GYG1: variants seen among roughly 807,000 people sequenced by gnomAD.
GYG1 encodes glycogenin-1.
GYG1 carries 44 observed loss-of-function variants against 41.9 expected under a neutral mutation model. The ratio of observed to expected loss-of-function variants is 1.05; its 90% confidence interval spans 0.83 to 1.35. GYG1 has a LOEUF of 1.35. GYG1 is among the 40% of genes most tolerant of loss of function. The pLI, the probability that GYG1 is intolerant of heterozygous loss-of-function variation, is 0.00. For synonymous variants in GYG1, 141 were observed against 158.1 expected (o/e 0.89, Z 0.81); for missense variants, 429 against 418.9 (o/e 1.02, Z -0.21).
chr3:149,027,929 CCTAA>C lies in GYG1; in HGVS notation c.*999_*1002del, dbSNP rs575442474. On this transcript the variant is annotated 3_prime_UTR_variant, in exon 8 of 8. Coordinates refer to ENST00000345003, the MANE Select transcript of GYG1 (RefSeq NM_004130.4). ...AGAATATTTTAACCTTAAAGTCATT[CCTAA>C]CTGTCAGAATCAATACTGGGTCCAG... is the stretch of plus-strand genomic sequence containing the variant. Among the ~76,000 whole-genome samples, 182 of 152,274 alleles carry C rather than the reference CCTAA, an allele frequency of 1.2e-3. 1 individual carries two copies. The highest frequency in any genetic ancestry group is 4.1e-3 in the African/African-American group (170 of 41,556).
intron 4 of GYG1, among the ~76,000 whole-genome samples, chr3:149,005,274 T>A (rs1321548529): frequency 6.6e-6 from 1 of 152,112 alleles, no homozygotes; most frequent in Non-Finnish European, 1.5e-5. Context: ...TTGCCCCCAG[T>A]TGTATTACTA....
intron 4 of GYG1, among the ~76,000 whole-genome samples, chr3:149,003,303 A>T (rs2107895196): frequency 6.6e-6 from 1 of 151,990 alleles, no homozygotes; most frequent in African/African-American, 2.4e-5. Context: ...TTTAGTAGAA[A>T]TGGGGTTTCA....
rs1714084341 is a variant in GYG1 at position 149,016,953 on chromosome 3, G to C, written c.609-7100G>C. ...GGGCAAGAGGATGCTTGACATTGCT[G>C]CCATGATTCCCAGAGAAGTGTCGCA... is the stretch of plus-strand genomic sequence containing the variant. On this transcript the variant is annotated intron_variant, in intron 5 of 7. Coordinates refer to ENST00000345003, the MANE Select transcript of GYG1 (RefSeq NM_004130.4). Among the ~76,000 whole-genome samples, 3 of 152,162 alleles carry C rather than the reference G, an allele frequency of 2.0e-5. No homozygotes were observed. The South Asian group carries it at 6.2e-4, about 32-fold the overall frequency.
chr3:149,009,886 C>A (rs1416787920), intron 5 of GYG1, among the ~76,000 whole-genome samples: 1 of 152,178 alleles, frequency 6.6e-6, no homozygotes, highest in Non-Finnish European at 1.5e-5. Flanking sequence ...GGCTCTGGAG[C>A]TGGATGACCT....
intron 4 of GYG1, among the ~76,000 whole-genome samples, chr3:149,006,944 T>C (rs529198869): frequency 1.6e-4 from 25 of 152,232 alleles, no homozygotes; most frequent in Non-Finnish European, 3.4e-4. Flanking sequence ...GGTTCTCATA[T>C]CTGTCCTTTG....
Position 149,030,700 on chromosome 3 carries a change from A to C in GYG1, c.*3767A>C, listed in dbSNP as rs1366103833. The C allele has an allele frequency of 6.6e-6, 1 of 152,224 alleles. No individual in the cohort carries two copies. The highest frequency in any genetic ancestry group is 1.5e-5 in the Non-Finnish European group (1 of 68,036). The allele number at this position is 152,224 out of a possible 1,614,324, so 9.4% of individuals were successfully genotyped here. ...GCTAGCGGGCTAATCCCACATTATT[A>C]TTCCACTATCATCCCTGCAGAAAGG... On this transcript the variant is annotated 3_prime_UTR_variant, in exon 8 of 8. Coordinates refer to ENST00000345003, the MANE Select transcript of GYG1 (RefSeq NM_004130.4).
intron 5 of GYG1, among the ~76,000 whole-genome samples, chr3:149,014,225 T>C (rs563473700): frequency 2.0e-5 from 3 of 152,322 alleles, no homozygotes; most frequent in African/African-American, 7.2e-5. Context: ...CTGGTCATTC[T>C]GACCTCATCC....
chr3:149,001,144 G>C (rs1003256569), intron 4 of GYG1: 1 of 152,200 alleles, frequency 6.6e-6, no homozygotes, highest in Non-Finnish European at 1.5e-5. Flanking sequence ...AATGAGCTGA[G>C]AGATTTTGGT....
intron 6 of GYG1, among the ~76,000 whole-genome samples, chr3:149,025,660 A>G (rs1345772387): frequency 6.6e-6 from 1 of 152,216 alleles, no homozygotes; most frequent in Non-Finnish European, 1.5e-5. Flanking sequence ...AAGAAGTTAT[A>G]TAACTTGTCT....
chr3:148,996,132 C>G (rs1163513538), intron 2 of GYG1, among the ~76,000 whole-genome samples, 170 bp from the exon 3 acceptor site: 1 of 152,198 alleles, frequency 6.6e-6, no homozygotes, highest in Non-Finnish European at 1.5e-5. Context: ...CAAATAAACA[C>G]AGTTTGTCCT....
rs1285459397 is a variant in GYG1, at chr3:149,028,458, C to T, written c.*1525C>T. 1.3e-5 allele frequency among the ~76,000 whole-genome samples: 2 copies of T among 152,106 alleles called. No homozygotes were observed. The highest frequency in any genetic ancestry group is 4.8e-5 in the African/African-American group (2 of 41,432). Reference sequence around the variant, plus strand: ...ATTTACCAAAGATTTATTTAAGTGCCTCCATGTGTCAGATGCTGTGGTACA... The same window carrying T: ...ATTTACCAAAGATTTATTTAAGTGCTTCCATGTGTCAGATGCTGTGGTACA... On this transcript the variant is annotated 3_prime_UTR_variant, in exon 8 of 8. Coordinates refer to ENST00000345003, the MANE Select transcript of GYG1 (RefSeq NM_004130.4).
intron 5 of GYG1, among the ~76,000 whole-genome samples, chr3:149,019,111 T>C (rs1559842874): frequency 6.6e-6 from 1 of 150,804 alleles, no homozygotes. Flanking sequence ...CAATACCTAA[T>C]GCATCTAAAA....
At chr3:149,013,328 T>A (rs1218020991) in intron 5 of GYG1, among the ~76,000 whole-genome samples, 2 of 152,220 alleles carry the variant, frequency 1.3e-5, no homozygotes, top group African/African-American at 4.8e-5. Flanking sequence ...AAAAAAAATC[T>A]TATTAGTCTT....
At position 149,006,080 on chromosome 3, in the gene GYG1, C is replaced by CTTT. The variant is rs34268321; in HGVS notation, c.482-3178_482-3176dup. ...CATCACAAGGACCCTTCATCATATTCTTTTTTTTTTTTTTTTTTTTGAGAC... is the reference window on the plus strand; with the variant it reads ...CATCACAAGGACCCTTCATCATATTCTTTTTTTTTTTTTTTTTTTTTTTGAGAC... On this transcript the variant is annotated intron_variant, in intron 4 of 7. Coordinates refer to ENST00000345003, the MANE Select transcript of GYG1 (RefSeq NM_004130.4). 8.3e-4 allele frequency among the ~76,000 whole-genome samples: 97 copies of CTTT among 117,198 alleles called. 3 individuals are homozygous for CTTT. Among genetic ancestry groups the CTTT allele is most frequent in the Middle Eastern group, 4.9e-3 (1 of 206 alleles). The allele number at this position is 117,198 out of a possible 152,430, so 76.9% of individuals were successfully genotyped here.
rs146649908 is a variant in GYG1, at chr3:149,029,530, T to TGAA, written c.*2599_*2601dup. On this transcript the variant is annotated 3_prime_UTR_variant, in exon 8 of 8. Transcript: ENST00000345003. Reference sequence around the variant, plus strand: ...TGTATAACACATTTTGCAGATATTTTGAAGTTAATGTGTTAAAAACTTGAG... The same window carrying TGAA: ...TGTATAACACATTTTGCAGATATTTTGAAGAAGTTAATGTGTTAAAAACTTGAG... Among the ~76,000 whole-genome samples, 2,055 of 152,352 alleles carry TGAA rather than the reference T, an allele frequency of 0.013. 38 individuals are homozygous for TGAA. The highest frequency in any genetic ancestry group is 0.047 in the African/African-American group (1,962 of 41,576).
At chr3:149,009,173 AAT>A in intron 4 of GYG1, 101 bp from the exon 5 acceptor site, 1 of 943,972 alleles carries the variant, frequency 1.1e-6, no homozygotes, top group South Asian at 1.5e-5. Context: ...AAAAAAAAAA[AAT>A]GGAATTAGTG....
chr3:148,998,288 T>G (rs1036553371), intron 4 of GYG1, among the ~76,000 whole-genome samples: 2 of 152,244 alleles, frequency 1.3e-5, no homozygotes, highest in African/African-American at 4.8e-5. Flanking sequence ...TTGTTTATGC[T>G]GTAAGCTAAT....
intron 4 of GYG1, among the ~76,000 whole-genome samples, chr3:149,006,967 C>T (rs768585398): frequency 1.3e-5 from 2 of 152,208 alleles, no homozygotes; most frequent in East Asian, 3.9e-4. Flanking sequence ...TTAGCCTATT[C>T]AGGCTGCTAT....
At chr3:149,004,506 C>T (rs551425130) in intron 4 of GYG1, among the ~76,000 whole-genome samples, 1 of 152,028 alleles carries the variant, frequency 6.6e-6, no homozygotes, top group African/African-American at 2.4e-5. Context: ...GACGTTAAAA[C>T]ATTTGCCTGA....
Sources: allele counts gnomAD v4.1 joint callset (sites outside exome capture counted in the v4.1 genomes callset), GRCh38; gene constraint gnomAD v4.1.1; transcripts MANE v1.5; gene names NCBI Gene and HGNC (gene_info 2026-07-23, HGNC 2026-07-21).